The following LRRC7 variants were observed in gnomAD, a reference collection of about 807,000 sequenced individuals.
LRRC7 encodes leucine-rich repeat-containing protein 7.
Under a neutral mutation model 175.7 loss-of-function variants are expected in LRRC7, and 23 were observed. That is an observed-to-expected ratio of 0.13 (90% CI 0.09 to 0.19). The LOEUF (loss-of-function observed/expected upper bound fraction) is 0.19, where lower values mean the gene tolerates loss of function less well. LRRC7 is among the 10% of genes least tolerant of loss of function. The probability of loss-of-function intolerance (pLI) is 1.00; values close to 1 mark genes in which losing one functional copy is unlikely to be tolerated. For missense variants in LRRC7, 1,354 were observed against 1,904.7 expected, an observed-to-expected ratio of 0.71 and a Z score of 5.38; for synonymous variants, 685 against 680.9, an observed-to-expected ratio of 1.01 and a Z score of -0.09.
chr1:70,086,494 CTG>C (rs1235859994), intron 24 of LRRC7, among the ~76,000 whole-genome samples: 1 of 152,076 alleles, frequency 6.6e-6, no homozygotes, highest in Non-Finnish European at 1.5e-5. Context: ...TAAAAGAAAA[CTG>C]AGTCTGGCGT....
intron 24 of LRRC7, among the ~76,000 whole-genome samples, chr1:70,076,597 C>T (rs1168420746): frequency 6.6e-6 from 1 of 152,218 alleles, no homozygotes; most frequent in Non-Finnish European, 1.5e-5. Flanking sequence ...TTTAGCTCTA[C>T]AGTACAGATT....
chr1:69,576,812 T>A (rs1482098365), intron 1 of LRRC7, among the ~76,000 whole-genome samples: 1 of 152,208 alleles, frequency 6.6e-6, no homozygotes, highest in East Asian at 1.9e-4. Flanking sequence ...CATCTGTGAA[T>A]GTAATCCCAC....
chr1:69,666,219 G>C (rs534720965), intron 1 of LRRC7, among the ~76,000 whole-genome samples: 3 of 151,976 alleles, frequency 2.0e-5, no homozygotes, highest in Non-Finnish European at 4.4e-5. Context: ...AGTTGAATTT[G>C]GTTCGCTAGT....
At chr1:69,661,818 A>G (rs985220571) in intron 1 of LRRC7, among the ~76,000 whole-genome samples, 7 of 152,144 alleles carry the variant, frequency 4.6e-5, no homozygotes, top group Non-Finnish European at 8.8e-5. Flanking sequence ...TTTTGAAAAG[A>G]ATGACATTTT....
rs566296797 is a variant in LRRC7 at position 70,021,990 on chromosome 1, A to G, written c.1545+861A>G. On this transcript the variant is annotated intron_variant, in intron 16 of 26. Transcript: ENST00000651989. ...ATATGTGTTCTATTAATAAAGCTAGATTGTGTGTTATGTTTGTCTCTGTCC... is the reference window on the plus strand; with the variant it reads ...ATATGTGTTCTATTAATAAAGCTAGGTTGTGTGTTATGTTTGTCTCTGTCC... Among the ~76,000 whole-genome samples, 7 of 152,160 alleles carry G rather than the reference A, an allele frequency of 4.6e-5. No individual in the cohort carries two copies. In the East Asian group the frequency reaches 1.4e-3, roughly 29 times the overall value.
At chr1:70,038,039 T>A in intron 20 of LRRC7, 74 bp from the exon 21 acceptor site, 1 of 1,515,450 alleles carries the variant, frequency 6.6e-7, no homozygotes. Flanking sequence ...TGGCCCTCTT[T>A]GCTGCTTGTT....
In LRRC7 at chr1:70,070,258, G is replaced by T. The variant is rs150277648; in HGVS notation, c.4231-5819G>T. Among the ~76,000 whole-genome samples, 839 of 152,250 alleles carry T rather than the reference G, an allele frequency of 5.5e-3. 29 individuals are homozygous for T. The highest frequency in any genetic ancestry group is 0.05 in the Admixed American group (767 of 15,292). ...GACCCACCTGCCTCGGCTTCCCAAA[G>T]TGCTGGGGTTATAGGGTTGAGCTAC... On this transcript the variant is annotated intron_variant, in intron 23 of 26. Coordinates refer to ENST00000651989, the MANE Select transcript of LRRC7 (RefSeq NM_001370785.2).
intron 24 of LRRC7, among the ~76,000 whole-genome samples, chr1:70,082,010 C>G (rs1663245538): frequency 6.6e-6 from 1 of 152,154 alleles, no homozygotes. Context: ...GTAGTCTATC[C>G]TGGAAGAAAT....
intron 8 of LRRC7, among the ~76,000 whole-genome samples, chr1:69,949,371 T>C (rs912224139): frequency 3.9e-4 from 60 of 152,050 alleles, no homozygotes; most frequent in African/African-American, 1.4e-3. Flanking sequence ...CAGGAGTTTG[T>C]GACCAGTCTG....
At chr1:70,010,980 T>C (rs537173298) in intron 11 of LRRC7, among the ~76,000 whole-genome samples, 2 of 152,346 alleles carry the variant, frequency 1.3e-5, no homozygotes, top group East Asian at 3.9e-4. Flanking sequence ...TTCCATTACT[T>C]GTCATGGAAG....
At chr1:69,934,780 C>A (rs1399702699) in intron 8 of LRRC7, among the ~76,000 whole-genome samples, 1 of 152,074 alleles carries the variant, frequency 6.6e-6, no homozygotes, top group East Asian at 1.9e-4. Flanking sequence ...ATAACATTAA[C>A]CCTTAGGATC....
chr1:70,032,066 G>C (rs1658796919), intron 18 of LRRC7, among the ~76,000 whole-genome samples: 2 of 152,082 alleles, frequency 1.3e-5, no homozygotes. Context: ...CAAAGTGCTG[G>C]GATTACAGGC....
At chr1:69,665,925 G>A (rs146674639) in intron 1 of LRRC7, among the ~76,000 whole-genome samples, 43 of 151,930 alleles carry the variant, frequency 2.8e-4, no homozygotes, top group African/African-American at 9.9e-4. Flanking sequence ...AGGCTTTCAG[G>A]TTTTCCCCAT....
chr1:69,580,350 A>G (rs1292975995), intron 1 of LRRC7, among the ~76,000 whole-genome samples: 1 of 152,170 alleles, frequency 6.6e-6, no homozygotes, highest in African/African-American at 2.4e-5. Context: ...TAACAAAACT[A>G]TTATTTAATA....
rs1286033527 is a variant in LRRC7 at position 69,773,131 on chromosome 1, A to G, written c.303+12738A>G. Among the ~76,000 whole-genome samples the G allele has an allele frequency of 6.6e-5, 10 of 152,180 alleles. 1 individual carries two copies. Among genetic ancestry groups the G allele is most frequent in the Admixed American group, 6.6e-4 (10 of 15,254 alleles). ...AGGTCAAAATACATTTTATTTTAAG[A>G]TCAGTGACCTGAAGGCACATTTGTT... On this transcript the variant is annotated intron_variant, in intron 3 of 26. Coordinates refer to ENST00000651989, the MANE Select transcript of LRRC7 (RefSeq NM_001370785.2).
At chr1:69,648,355 T>C in intron 1 of LRRC7, among the ~76,000 whole-genome samples, 1 of 152,130 alleles carries the variant, frequency 6.6e-6, no homozygotes, top group Non-Finnish European at 1.5e-5. Context: ...GGAGATCTCC[T>C]GAGGAAGGCC....
At chr1:69,818,411 C>T (rs972005795) in intron 4 of LRRC7, among the ~76,000 whole-genome samples, 1 of 152,042 alleles carries the variant, frequency 6.6e-6, no homozygotes, top group Non-Finnish European at 1.5e-5. Context: ...TGGTGTATCA[C>T]ATTTATTGAT....
intron 8 of LRRC7, among the ~76,000 whole-genome samples, chr1:69,954,420 GATTA>G (rs1395930397): frequency 6.6e-6 from 1 of 151,990 alleles, no homozygotes; most frequent in Non-Finnish European, 1.5e-5. Flanking sequence ...ATTTTGATGT[GATTA>G]ATGACCAATA....
chr1:69,737,643 C>A (rs1174693746), intron 2 of LRRC7, among the ~76,000 whole-genome samples: 1 of 152,032 alleles, frequency 6.6e-6, no homozygotes, highest in African/African-American at 2.4e-5. Flanking sequence ...CCAGAATTTC[C>A]TTGCCCTAGT....
Sources: allele counts gnomAD v4.1 joint callset (sites outside exome capture counted in the v4.1 genomes callset), GRCh38; gene constraint gnomAD v4.1.1; transcripts MANE v1.5; gene names NCBI Gene and HGNC (gene_info 2026-07-23, HGNC 2026-07-21).